The following ASB7 variants were observed in gnomAD, a reference collection of about 807,000 sequenced individuals.
ASB7 encodes the protein ankyrin repeat and SOCS box protein 7.
A neutral mutation model predicts 32.5 loss-of-function variants in ASB7; 4 were observed. The ratio of observed to expected loss-of-function variants is 0.12; its 90% CI spans 0.06 to 0.28. ASB7 has a LOEUF of 0.28. ASB7 is among the 10% of genes least tolerant of loss of function. ASB7 has a pLI of 1.00. For missense variants in ASB7, 181 were observed against 407.1 expected (o/e 0.44, Z 4.78); for synonymous variants, 172 against 155.6 (o/e 1.11, Z -0.78).
chr15:100,614,124 T>C (rs2039720287), intron 4 of ASB7, among the ~76,000 whole-genome samples: 1 of 151,974 alleles, frequency 6.6e-6, no homozygotes, highest in African/African-American at 2.4e-5. Flanking sequence ...AGTAAAAAAA[T>C]TAGTTGGGCA....
rs1345038322 is a variant in ASB7 at position 100,643,474 on chromosome 15, C to CT, written c.818-4847dup. On this transcript the variant is annotated intron_variant, in intron 5 of 5. Transcript: ENST00000332783. ...CCATAACCTTTTGTCTCAGTCCCTTCTTCTTTTTTTTTTTTTTTTTTTTTT... is the reference window on the plus strand; with the variant it reads ...CCATAACCTTTTGTCTCAGTCCCTTCTTTCTTTTTTTTTTTTTTTTTTTTTT... 4.9e-3 allele frequency among the ~76,000 whole-genome samples: 651 copies of CT among 132,616 alleles called. 16 individuals are homozygous for CT. The highest frequency in any genetic ancestry group is 0.018 in the African/African-American group (620 of 34,474). The allele number at this position is 132,616 out of a possible 152,430, so 87.0% of individuals were successfully genotyped here.
intron 4 of ASB7, among the ~76,000 whole-genome samples, chr15:100,620,285 T>TA (rs2039779904): frequency 1.3e-5 from 2 of 152,246 alleles, no homozygotes; most frequent in Non-Finnish European, 1.5e-5. Context: ...GTATTGTTTT[T>TA]TAAAAATGTA....
chr15:100,629,715 A>G lies in ASB7; in HGVS notation c.490A>G (p.Ser164Gly), dbSNP rs1166553632. The G allele has an allele frequency of 6.2e-7, 1 of 1,614,244 alleles. No homozygotes were observed. Among genetic ancestry groups the G allele is most frequent in the Non-Finnish European group, 8.5e-7 (1 of 1,180,040 alleles). Reference sequence around the variant, plus strand: ...GCTCGCCATTATCCGAGAGAGGTCAAGCTGTGTGAAAATCCTCCTGGACCA... The same window carrying G: ...GCTCGCCATTATCCGAGAGAGGTCAGGCTGTGTGAAAATCCTCCTGGACCA... ...LQLAIIRERS[S>G]CVKILLDHNA... is the part of the protein sequence containing the mutation. Residue 164 changes from serine to glycine, a missense_variant, in exon 5 of 6, where the codon AGC (serine) becomes GGC (glycine). Transcript: ENST00000332783. The surrounding 1 kb of genome is among the most constrained non-coding windows in gnomAD (Gnocchi z 6.8).
intron 4 of ASB7, among the ~76,000 whole-genome samples, chr15:100,624,309 T>C (rs1307192383): frequency 6.6e-6 from 1 of 152,198 alleles, no homozygotes; most frequent in Admixed American, 6.5e-5. Context: ...AGACTTGAAA[T>C]GTTCTCAGCT....
rs771639312 is a variant in ASB7 at position 100,649,671 on chromosome 15, A to G, written c.*1209A>G. On this transcript the variant is annotated 3_prime_UTR_variant, in exon 6 of 6. Coordinates refer to ENST00000332783, the MANE Select transcript of ASB7 (RefSeq NM_198243.3). ...CAATTATTTTCTGGGTTGATTGGGC[A>G]TATGTTTGCCGTGTAAACACGGATA... The G allele has an allele frequency of 9.9e-5, 15 of 152,248 alleles. No individual in the cohort carries two copies. Among genetic ancestry groups the G allele is most frequent in the African/African-American group, 1.4e-4 (6 of 41,474 alleles). 9.4% of individuals were successfully genotyped at this position (152,248 alleles called of 1,614,324 possible).
At chr15:100,614,147 GC>G in intron 4 of ASB7, among the ~76,000 whole-genome samples, 1 of 152,134 alleles carries the variant, frequency 6.6e-6, no homozygotes, top group Non-Finnish European at 1.5e-5. Flanking sequence ...GTGGCCAGGT[GC>G]CTATGATCCC....
At chr15:100,626,780 A>G (rs2039842468) in intron 4 of ASB7, among the ~76,000 whole-genome samples, 1 of 152,194 alleles carries the variant, frequency 6.6e-6, no homozygotes, top group African/African-American at 2.4e-5. Context: ...CCAGCAATAC[A>G]AAAGAGTGAA....
chr15:100,618,911 A>T (rs960048420), intron 4 of ASB7, among the ~76,000 whole-genome samples: 3 of 152,192 alleles, frequency 2.0e-5, no homozygotes, highest in Non-Finnish European at 4.4e-5. Flanking sequence ...GATAATAAGT[A>T]TTATCAGTTT....
At chr15:100,624,284 A>G (rs1323682663) in intron 4 of ASB7, among the ~76,000 whole-genome samples, 1 of 152,242 alleles carries the variant, frequency 6.6e-6, no homozygotes. Flanking sequence ...TGTATCTCAG[A>G]GTAGCTGCAA....
chr15:100,618,458 G>T lies in ASB7; in HGVS notation c.211+6031G>T, dbSNP rs79344420. On this transcript the variant is annotated intron_variant, in intron 4 of 5. Transcript: ENST00000332783. ...TTTAAAAGTTTGTGAACTCCAGTCA[G>T]ATTGGCTCCTCCTGTTAGTAGCTCA... Among the ~76,000 whole-genome samples, 36 of 152,242 alleles carry T rather than the reference G, an allele frequency of 2.4e-4. No individual in the cohort carries two copies. In the East Asian group the frequency reaches 5.8e-3, roughly 24 times the overall value.
intron 4 of ASB7, among the ~76,000 whole-genome samples, chr15:100,619,843 G>C (rs2039775922): frequency 6.6e-6 from 1 of 152,218 alleles, no homozygotes; most frequent in Admixed American, 6.5e-5. Flanking sequence ...TGCTTCTGGA[G>C]AAATCCGTTG....
rs895236318 is a variant in ASB7, at chr15:100,648,754, T to G, written c.*292T>G. The G allele has an allele frequency of 4.8e-6, 1 of 208,462 alleles. No individual in the cohort carries two copies. The highest frequency in any genetic ancestry group is 2.3e-5 in the African/African-American group (1 of 43,566). The allele number at this position is 208,462 out of a possible 1,614,324, so 12.9% of individuals were successfully genotyped here. A position where few individuals can be genotyped will look rare whatever the true frequency, so the allele number is the denominator to read the frequency against. ...CTGCATTTAGAAAAATTGTCTTTTC[T>G]TAAATGACACAAGCAGGTTTAGAGT... On this transcript the variant is annotated 3_prime_UTR_variant, in exon 6 of 6. Transcript: ENST00000332783.
intron 2 of ASB7, among the ~76,000 whole-genome samples, chr15:100,607,151 C>CA (rs35799567): frequency 0.24 from 30,456 of 126,522 alleles, 3,503 homozygotes; most frequent in Non-Finnish European, 0.3. Context: ...GCCTCCGTCT[C>CA]AAAAAAAAAA....
intron 5 of ASB7, chr15:100,646,712 G>T: frequency 5.7e-6 from 1 of 174,304 alleles, no homozygotes; most frequent in Non-Finnish European, 1.2e-5. Flanking sequence ...GAGAACGGGA[G>T]CTCCTGTCTC....
At chr15:100,631,550 T>C (rs1567116348) in intron 5 of ASB7, among the ~76,000 whole-genome samples, 1 of 152,174 alleles carries the variant, frequency 6.6e-6, no homozygotes, top group Admixed American at 6.5e-5. Flanking sequence ...TTAGTTATGA[T>C]GAGTGTGGCC....
chr15:100,607,389 G>T (rs1223904476), intron 2 of ASB7, among the ~76,000 whole-genome samples: 2 of 152,118 alleles, frequency 1.3e-5, no homozygotes, highest in Admixed American at 6.5e-5. Context: ...TCTGTCAGGC[G>T]CAGCTCTCAT....
chr15:100,623,086 A>T (rs1444704754), intron 4 of ASB7, among the ~76,000 whole-genome samples: 2 of 152,186 alleles, frequency 1.3e-5, no homozygotes, highest in Non-Finnish European at 2.9e-5. Flanking sequence ...CAACAGTAAA[A>T]ACAACAAATA....
In ASB7 at chr15:100,648,502, G is replaced by C. The variant is rs1423334909; in HGVS notation, c.*40G>C. On this transcript the variant is annotated 3_prime_UTR_variant, in exon 6 of 6. Transcript: ENST00000332783. ...GAGCAAGATTAGGAGTTCTATTCTA[G>C]ATACTTAAAAGGCTTTTTGCCTTGC... 1 of 1,533,116 alleles carries C rather than the reference G, an allele frequency of 6.5e-7. No individual in the cohort carries two copies. 95.0% of individuals were successfully genotyped at this position (1,533,116 alleles called of 1,614,324 possible). A position where few individuals can be genotyped will look rare whatever the true frequency, so the allele number is the denominator to read the frequency against.
Position 100,612,320 on chromosome 15 carries a change from A to G in ASB7, c.104A>G (p.Glu35Gly). Residue 35 changes from glutamate (E) to glycine (G), a missense_variant, in exon 4 of 6, where the codon GAA (glutamate) becomes GGA (glycine). Transcript: ENST00000332783. ...GTCCACACAGTGCGAAAGATGCTAG[A>G]ACAAGGCTATTCCCCGAATGGCCGA... ...GDVHTVRKML[E>G]QGYSPNGRDA... The G allele has an allele frequency of 6.2e-7, 1 of 1,614,148 alleles. No homozygotes were observed.
Sources: gnomAD v4.1 joint callset for allele counts (sites outside exome capture counted in the v4.1 genomes callset) on GRCh38, gnomAD v4.1.1 for gene constraint, Gnocchi (gnomAD v3.1) non-coding constraint, MANE v1.5 for transcripts, NCBI Gene and HGNC (gene_info 2026-07-23, HGNC 2026-07-21) for gene names.